Variants in ASRGL1 observed in about 807,000 individuals in gnomAD.
The protein encoded by ASRGL1 is isoaspartyl peptidase/L-asparaginase.
In ASRGL1, 16 loss-of-function variants were observed where a neutral mutation model predicts 22.4. The ratio of observed to expected loss-of-function variants is 0.71; its 90% CI spans 0.48 to 1.08. The LOEUF is 1.08. Ranked by LOEUF, ASRGL1 falls within the 50% of genes least tolerant of loss-of-function variation. The probability of loss-of-function intolerance (pLI) is 0.00; values close to 1 mark genes in which losing one functional copy is unlikely to be tolerated. For synonymous variants in ASRGL1, 165 were observed against 159.3 expected, an observed-to-expected ratio of 1.04 and a Z score of -0.27; for missense variants, 412 against 410.1, an observed-to-expected ratio of 1.00 and a Z score of -0.04.
chr11:62,354,441 G>A (rs111841422), intron 2 of ASRGL1, among the ~76,000 whole-genome samples: 48 of 152,080 alleles, frequency 3.2e-4, no homozygotes, highest in African/African-American at 1.1e-3. Flanking sequence ...TTAATTAGCC[G>A]CAGTAAGAAA....
At chr11:62,386,011 A>G (rs1184118622) in intron 4 of ASRGL1, among the ~76,000 whole-genome samples, 4 of 151,880 alleles carry the variant, frequency 2.6e-5, no homozygotes, top group African/African-American at 9.7e-5. Context: ...AAAATACAAA[A>G]ATTAGCTGGG....
At chr11:62,394,121 A>C, downstream of ASRGL1, among the ~76,000 whole-genome samples, 1 of 137,674 alleles carries the variant, frequency 7.3e-6, no homozygotes, top group East Asian at 2.0e-4. Flanking sequence ...ATTTACATAT[A>C]TATTATATAT....
At position 62,366,790 on chromosome 11, in the gene ASRGL1, T is replaced by C. The variant is rs559840759; in HGVS notation, c.491+9646T>C. 6.2e-4 allele frequency among the ~76,000 whole-genome samples: 95 copies of C among 152,270 alleles called. 1 individual carries two copies. In the East Asian group the frequency reaches 0.015, roughly 24 times the overall value. On this transcript the variant is annotated intron_variant, in intron 4 of 6. Transcript: ENST00000415229. ...CCTCTTGAGTAGCAGGAACTACAGG[T>C]ACAAGCCACTGTACCTGGCTCTTTC...
intron 4 of ASRGL1, chr11:62,371,161 G>T: frequency 8.5e-7 from 1 of 1,174,054 alleles, no homozygotes. Context: ...GGCGGTGGCG[G>T]CCTGGGAGGA....
intron 4 of ASRGL1, among the ~76,000 whole-genome samples, chr11:62,384,017 TGTGTGTGCAC>T (rs775394224): frequency 2.0e-5 from 3 of 146,494 alleles, no homozygotes; most frequent in South Asian, 4.6e-4. Context: ...TGTGCATGTG[TGTGTGTGCAC>T]GTGTGTGCGT....
chr11:62,389,240 C>CA lies in ASRGL1; in HGVS notation c.600dup (p.Pro201ThrfsTer12). 6.2e-7 allele frequency: 1 copy of CA among 1,613,936 alleles called. No homozygotes were observed. The highest frequency in any genetic ancestry group is 8.5e-7 in the Non-Finnish European group (1 of 1,179,856). ...AAAATGGTCGGCCGCGTTGGGGACT[C>CA]ACCGTGTCTAGGTAGGACCAAGGGA... is the stretch of plus-strand genomic sequence containing the variant. On this transcript the variant is annotated frameshift_variant, in exon 5 of 7. Transcript: ENST00000415229. LOFTEE classifies it high-confidence loss of function.
chr11:62,397,518 G>C (rs1408995775), downstream of ASRGL1, among the ~76,000 whole-genome samples: 2 of 151,972 alleles, frequency 1.3e-5, no homozygotes, highest in African/African-American at 4.8e-5. Context: ...TACAAAATTA[G>C]CCGGGCATGG....
intron 2 of ASRGL1, among the ~76,000 whole-genome samples, chr11:62,345,420 C>T (rs1177096733): frequency 1.3e-5 from 2 of 152,226 alleles, no homozygotes; most frequent in East Asian, 3.9e-4. Flanking sequence ...AGGCGCCCAC[C>T]ACCATGCCTG....
chr11:62,357,068 C>G lies in ASRGL1; in HGVS notation c.415C>G (p.Leu139Val). ...GGTTCCAGAGATTCCTGGAGAAAAA[C>G]TGGTGACAGAGAGAAACAAAAAGCG... ...MGVPEIPGEK[L>V]VTERNKKRLE... The change falls in exon 4 of 7, where the codon CTG becomes GTG. Residue 139 changes from leucine (L) to valine (V), a missense_variant. Physicochemically the swap from Leu to Val is conservative, Grantham distance 32. Transcript: ENST00000415229. The G allele has an allele frequency of 1.2e-6, 2 of 1,614,064 alleles. No individual in the cohort carries two copies. Among genetic ancestry groups the G allele is most frequent in the South Asian group, 1.1e-5 (1 of 91,078 alleles).
chr11:62,359,008 G>A (rs981193590), intron 4 of ASRGL1, among the ~76,000 whole-genome samples: 8 of 152,196 alleles, frequency 5.3e-5, no homozygotes, highest in Non-Finnish European at 8.8e-5. Context: ...ATTTAGTTCT[G>A]AAGATTGTTA....
chr11:62,355,312 G>A (rs1391414193), intron 2 of ASRGL1, among the ~76,000 whole-genome samples: 8 of 151,812 alleles, frequency 5.3e-5, no homozygotes, highest in East Asian at 1.9e-4. Context: ...GGCAACCTCC[G>A]CCTCCCAAGT....
chr11:62,397,470 G>A (rs1947444350), downstream of ASRGL1, among the ~76,000 whole-genome samples: 1 of 152,054 alleles, frequency 6.6e-6, no homozygotes, highest in Admixed American at 6.6e-5. Flanking sequence ...TTCGAGACCA[G>A]TCTGACCAAC....
chr11:62,348,842 GAT>G (rs1336060780), intron 2 of ASRGL1, among the ~76,000 whole-genome samples: 1 of 152,166 alleles, frequency 6.6e-6, no homozygotes, highest in African/African-American at 2.4e-5. Context: ...AATCTGAAAA[GAT>G]ATCGCAAAAG....
intron 4 of ASRGL1, among the ~76,000 whole-genome samples, chr11:62,368,403 A>G (rs1162943389): frequency 6.6e-6 from 1 of 152,136 alleles, no homozygotes; most frequent in Non-Finnish European, 1.5e-5. Flanking sequence ...ACACCTGTCC[A>G]CATTTCTGAT....
downstream of ASRGL1, among the ~76,000 whole-genome samples, chr11:62,398,226 G>A (rs1947453245): frequency 6.6e-6 from 1 of 152,002 alleles, no homozygotes; most frequent in African/African-American, 2.4e-5. Flanking sequence ...CTTGGAGTGA[G>A]AAGAGCAGGT....
At chr11:62,387,073 T>G (rs75420650) in intron 4 of ASRGL1, among the ~76,000 whole-genome samples, 1 of 151,436 alleles carries the variant, frequency 6.6e-6, no homozygotes, top group African/African-American at 2.4e-5. Flanking sequence ...TTTTTTTTTT[T>G]TGTATTTTTA....
chr11:62,359,364 T>G (rs940591017), intron 4 of ASRGL1, among the ~76,000 whole-genome samples: 6 of 152,006 alleles, frequency 3.9e-5, no homozygotes, highest in Non-Finnish European at 8.8e-5. Context: ...GAGAATCGCT[T>G]GAACCCAGGA....
chr11:62,386,344 A>G (rs896977567), intron 4 of ASRGL1, among the ~76,000 whole-genome samples: 1 of 151,568 alleles, frequency 6.6e-6, no homozygotes, highest in Non-Finnish European at 1.5e-5. Context: ...TGAGAAAGAG[A>G]CCACATTCAC....
intron 4 of ASRGL1, among the ~76,000 whole-genome samples, chr11:62,378,690 T>G (rs1418673162): frequency 1.3e-5 from 2 of 152,194 alleles, no homozygotes; most frequent in African/African-American, 4.8e-5. Flanking sequence ...TGCCGGATTT[T>G]TTTTGAATTA....
Sources: allele counts gnomAD v4.1 joint callset (sites outside exome capture counted in the v4.1 genomes callset), GRCh38; gene constraint gnomAD v4.1.1; transcripts MANE v1.5; gene names NCBI Gene and HGNC (gene_info 2026-07-23, HGNC 2026-07-21).